Variants in SLC2A9 observed in about 807,000 individuals in gnomAD.
SLC2A9 encodes the protein solute carrier family 2 member 9, also known as solute carrier family 2, facilitated glucose transporter member 9.
A neutral mutation model predicts 50.6 loss-of-function variants in SLC2A9; 39 were observed. That is an observed-to-expected ratio of 0.77 (90% confidence interval 0.60 to 1.01). The LOEUF is 1.01. Ranked by LOEUF, SLC2A9 falls within the 50% of genes least tolerant of loss-of-function variation. The pLI, the probability that SLC2A9 is intolerant of heterozygous loss-of-function variation, is 0.00. For missense variants in SLC2A9, 686 were observed against 677.6 expected (o/e 1.01, Z -0.14); for synonymous variants, 324 against 276.9 (o/e 1.17, Z -1.69).
At chr4:9,918,097 C>A (rs374553995) in intron 7 of SLC2A9, among the ~76,000 whole-genome samples, 1 of 152,052 alleles carries the variant, frequency 6.6e-6, no homozygotes, top group Admixed American at 6.6e-5. Context: ...ATACCACTTA[C>A]CCTGTGGGGC....
At chr4:9,831,929 C>A (rs1035173705) in intron 11 of SLC2A9, among the ~76,000 whole-genome samples, 12 of 152,210 alleles carry the variant, frequency 7.9e-5, no homozygotes, top group Admixed American at 5.2e-4. Flanking sequence ...CTGGGGATAA[C>A]AATTGGTGTA....
rs115829983 is a variant in SLC2A9 at position 9,879,542 on chromosome 4, G to A, written c.1291+8025C>T. 1,197 of 985,362 alleles carry A rather than the reference G, an allele frequency of 1.2e-3. 14 individuals are homozygous for A. In the African/African-American group the frequency reaches 0.019, roughly 15 times the overall value. The allele number at this position is 985,362 out of a possible 1,614,324, so 61.0% of individuals were successfully genotyped here. A position where few individuals can be genotyped will look rare whatever the true frequency, so the allele number is the denominator to read the frequency against. ...TGTCAAATGCTGATACGCCCCTGCA[G>A]TCTTTCCAGAGGGGTCCTTTTTCCA... On this transcript the variant is annotated intron_variant, in intron 10 of 11. Coordinates refer to ENST00000264784, the MANE Select transcript of SLC2A9 (RefSeq NM_020041.3).
Position 9,942,043 on chromosome 4 carries a change from C to T in SLC2A9, c.684G>A (p.Glu228=), listed in dbSNP as rs1394541650. 2.5e-6 allele frequency: 4 copies of T among 1,614,096 alleles called. No homozygotes were observed. The South Asian group carries it at 4.4e-5, about 18-fold the overall frequency. ...CTCCAAACAGGTATGGCCAGGTACT[C>T]TCCTGTGGGAGAAGGAGATGCTGCT... The part of the protein sequence containing the change: ...LLGLPELLGK[E]STWPYLFGVI... The change falls in exon 6 of 12, where the codon GAG becomes GAA. Residue 228 remains glutamate (E), a splice_region_variant and synonymous_variant. Transcript: ENST00000264784.
chr4:9,916,599 C>T (rs901933611), intron 7 of SLC2A9, among the ~76,000 whole-genome samples: 2 of 152,204 alleles, frequency 1.3e-5, no homozygotes, highest in African/African-American at 4.8e-5. Context: ...AGATTCCTCA[C>T]AGCAGTTGTG....
chr4:9,775,770 C>T (rs758353296), downstream of SLC2A9, among the ~76,000 whole-genome samples: 4 of 152,192 alleles, frequency 2.6e-5, no homozygotes, highest in Non-Finnish European at 4.4e-5. Context: ...GCCCGCAAAA[C>T]CATGAGACAA....
At chr4:9,844,995 G>A (rs574949422) in intron 10 of SLC2A9, among the ~76,000 whole-genome samples, 1 of 151,868 alleles carries the variant, frequency 6.6e-6, no homozygotes, top group Non-Finnish European at 1.5e-5. Context: ...TCTAACTCTT[G>A]CCCACGTACC....
intron 11 of SLC2A9, among the ~76,000 whole-genome samples, chr4:9,831,406 G>C (rs567369907): frequency 6.6e-6 from 1 of 152,290 alleles, no homozygotes; most frequent in Admixed American, 6.5e-5. Context: ...CAAGGAACAT[G>C]GTTGTGCTTT....
chr4:10,005,889 G>C (rs1459626903), intron 2 of SLC2A9, among the ~76,000 whole-genome samples: 1 of 152,136 alleles, frequency 6.6e-6, no homozygotes, highest in Non-Finnish European at 1.5e-5. Flanking sequence ...CCTTGAGTAA[G>C]TTACTTAACC....
At chr4:9,842,679 G>T (rs111476502) in intron 10 of SLC2A9, among the ~76,000 whole-genome samples, 21 of 152,272 alleles carry the variant, frequency 1.4e-4, no homozygotes, top group African/African-American at 4.1e-4. Context: ...AATGTGTCTT[G>T]CACAGGGTAC....
At chr4:9,919,740 G>A (rs974273936) in intron 7 of SLC2A9, among the ~76,000 whole-genome samples, 4 of 152,202 alleles carry the variant, frequency 2.6e-5, no homozygotes, top group African/African-American at 9.7e-5. Flanking sequence ...TAGATGGGGA[G>A]ATCACCACCC....
At chr4:9,787,897 G>T (rs1306588051) in intron 3 of SLC2A9, among the ~76,000 whole-genome samples, 2 of 152,180 alleles carry the variant, frequency 1.3e-5, no homozygotes, top group East Asian at 1.9e-4. Context: ...TGTTAACTTT[G>T]CTCATGAGGT....
intron 3 of SLC2A9, among the ~76,000 whole-genome samples, chr4:9,988,926 T>C (rs1019033853): frequency 3.9e-5 from 6 of 152,316 alleles, no homozygotes; most frequent in South Asian, 4.1e-4. Context: ...CCAGGACGGA[T>C]TGGGGGAAGA....
At chr4:9,910,602 T>A (rs1741558003) in intron 7 of SLC2A9, among the ~76,000 whole-genome samples, 1 of 152,302 alleles carries the variant, frequency 6.6e-6, no homozygotes, top group Non-Finnish European at 1.5e-5. Flanking sequence ...CAGCCGTGGT[T>A]CTGATCCCCA....
At chr4:9,840,290 ATCTCTCTTAC>A (rs1319737342) in intron 10 of SLC2A9, among the ~76,000 whole-genome samples, 1 of 152,180 alleles carries the variant, frequency 6.6e-6, no homozygotes, top group African/African-American at 2.4e-5. Flanking sequence ...CAATTCATTT[ATCTCTCTTAC>A]TGAAGGCCTT....
chr4:9,879,692 C>A lies in SLC2A9; in HGVS notation c.1291+7875G>T, dbSNP rs1406305338. On this transcript the variant is annotated intron_variant, in intron 10 of 11. Transcript: ENST00000264784. ...TCCATCTTGTTTGCATCTGTCCACTCCATTTAAACACAAACTCCCCATAGA... is the reference window on the plus strand; with the variant it reads ...TCCATCTTGTTTGCATCTGTCCACTACATTTAAACACAAACTCCCCATAGA... 3.0e-6 allele frequency: 3 copies of A among 985,286 alleles called. No individual in the cohort carries two copies. The East Asian group carries it at 3.4e-4, about 112-fold the overall frequency. The allele number at this position is 985,286 out of a possible 1,614,324, so 61.0% of individuals were successfully genotyped here.
intron 1 of SLC2A9, among the ~76,000 whole-genome samples, chr4:10,028,157 C>T (rs1763815512): frequency 6.6e-6 from 1 of 152,228 alleles, no homozygotes. Flanking sequence ...CCACTCTGCC[C>T]TCAGCTCCCT....
chr4:9,858,579 G>A (rs144079823), intron 10 of SLC2A9, among the ~76,000 whole-genome samples: 1 of 152,230 alleles, frequency 6.6e-6, no homozygotes, highest in African/African-American at 2.4e-5. Flanking sequence ...AGGGGGGATG[G>A]TATTAATAGT....
chr4:9,816,043 G>A (rs1023386971), intron 3 of SLC2A9, among the ~76,000 whole-genome samples: 2 of 151,978 alleles, frequency 1.3e-5, no homozygotes, highest in Admixed American at 6.6e-5. Flanking sequence ...GGTGGCACAC[G>A]CCTGTAATCC....
At chr4:9,816,683 C>T (rs1357437115) in intron 3 of SLC2A9, among the ~76,000 whole-genome samples, 3 of 152,146 alleles carry the variant, frequency 2.0e-5, no homozygotes, top group African/African-American at 7.2e-5. Context: ...TATACGAGTT[C>T]TACATCTTAA....
Sources: gnomAD v4.1 joint callset for allele counts (sites outside exome capture counted in the v4.1 genomes callset) on GRCh38, gnomAD v4.1.1 for gene constraint, MANE v1.5 for transcripts, NCBI Gene and HGNC (gene_info 2026-07-23, HGNC 2026-07-21) for gene names.